Variants in SUPT16H observed in about 807,000 individuals in gnomAD.
SUPT16H encodes SPT16 homolog, facilitates chromatin remodeling subunit.
In SUPT16H, 24 loss-of-function variants were observed where a neutral mutation model predicts 136.2. The ratio of observed to expected loss-of-function variants is 0.18; its 90% CI spans 0.13 to 0.25. The LOEUF (loss-of-function observed/expected upper bound fraction) is 0.25, where lower values mean the gene tolerates loss of function less well. Ranked by LOEUF, SUPT16H falls within the 10% of genes least tolerant of loss-of-function variation. The pLI, the probability that SUPT16H is intolerant of heterozygous loss-of-function variation, is 1.00. For synonymous variants in SUPT16H, 415 were observed against 428.2 expected, an observed-to-expected ratio of 0.97 and a Z score of 0.38; for missense variants, 623 against 1,270.2, an observed-to-expected ratio of 0.49 and a Z score of 7.74.
Position 21,352,831 on chromosome 14 carries a change from G to A in SUPT16H, c.2999-13C>T, listed in dbSNP as rs746172488. 3 of 1,613,974 alleles carry A rather than the reference G, an allele frequency of 1.9e-6. No homozygotes were observed. The Admixed American group carries it at 5.0e-5, about 27-fold the overall frequency. On this transcript the variant is annotated splice_polypyrimidine_tract_variant and intron_variant, in intron 25 of 25. Transcript: ENST00000216297. Reference sequence around the variant, plus strand: ...CTTTCTCGGTCCGCTAAATAGAAGAGGCATTATTAGTTAGCAATAGGTAAG... The same window carrying A: ...CTTTCTCGGTCCGCTAAATAGAAGAAGCATTATTAGTTAGCAATAGGTAAG...
intron 10 of SUPT16H, among the ~76,000 whole-genome samples, chr14:21,364,123 A>AT (rs1305226566): frequency 1.3e-5 from 2 of 152,242 alleles, no homozygotes; most frequent in Non-Finnish European, 2.9e-5. Flanking sequence ...AATGGAGGTA[A>AT]TAAGAGTATC....
chr14:21,354,347 TCTAACTGA>T (rs1594295951), intron 23 of SUPT16H, 56 bp downstream of exon 23: 1 of 1,592,288 alleles, frequency 6.3e-7, no homozygotes, highest in African/African-American at 1.3e-5. Flanking sequence ...CATATTCCAT[TCTAACTGA>T]CCAAATGATA....
rs779640368 is a variant in SUPT16H at position 21,369,367 on chromosome 14, T to C, written c.631-12A>G. The C allele has an allele frequency of 1.2e-6, 2 of 1,613,966 alleles. No individual in the cohort carries two copies. Among genetic ancestry groups the C allele is most frequent in the Admixed American group, 1.7e-5 (1 of 59,996 alleles). The stretch of plus-strand genomic sequence containing the variant: ...CTGTGTCGAACTTTCTGTAAGAGCA[T>C]CCAGAAATAAAGTAACACTTACTAG... On this transcript the variant is annotated splice_polypyrimidine_tract_variant and intron_variant, in intron 5 of 25. Transcript: ENST00000216297.
Position 21,377,076 on chromosome 14 carries a change from GAA to G in SUPT16H, c.67-3648_67-3647del, listed in dbSNP as rs11323425. Among the ~76,000 whole-genome samples, 944 of 110,786 alleles carry G rather than the reference GAA, an allele frequency of 8.5e-3. 6 individuals carry two copies. Among genetic ancestry groups the G allele is most frequent in the Non-Finnish European group, 0.011 (586 of 54,756 alleles). The allele number at this position is 110,786 out of a possible 152,430, so 72.7% of individuals were successfully genotyped here. A position where few individuals can be genotyped will look rare whatever the true frequency, so the allele number is the denominator to read the frequency against. Reference sequence around the variant, plus strand: ...TGAGACTGTCTCAAAGAAAGAAAAAGAAAAAAAAAAAAAAAAAAAAGATCAAC... The same window carrying G: ...TGAGACTGTCTCAAAGAAAGAAAAAGAAAAAAAAAAAAAAAAAAGATCAAC... On this transcript the variant is annotated intron_variant, in intron 1 of 25. Coordinates refer to ENST00000216297, the MANE Select transcript of SUPT16H (RefSeq NM_007192.4).
chr14:21,362,752 A>T lies in SUPT16H; in HGVS notation c.1665+42T>A, dbSNP rs184906121. 16 of 1,552,706 alleles carry T rather than the reference A, an allele frequency of 1.0e-5. No individual in the cohort carries two copies. In the African/African-American group the frequency reaches 1.9e-4, roughly 19 times the overall value. On this transcript the variant is annotated intron_variant, in intron 14 of 25. Transcript: ENST00000216297. ...TATGGCAAATACAATTACTATTTTA[A>T]GCAACAGTTTGGATGAAACCTGATG...
chr14:21,358,491 G>T, intron 19 of SUPT16H, 64 bp from the exon 20 acceptor site: 2 of 1,157,078 alleles, frequency 1.7e-6, no homozygotes, highest in Non-Finnish European at 2.5e-6. Context: ...CCCTCAAAAA[G>T]TCTGAAGTGC....
rs1277473766 is a variant in SUPT16H, at chr14:21,353,501, T to C, written c.2985A>G (p.Glu995=). ...ATTTTTAAAAACCTTTTCGGGCTTC[T>C]TCCTCCAGTTCATCCCAATCCTTTC... ...ESGKDWDELE[E]EARKADRESR... The change falls in exon 25 of 26, where the codon GAA becomes GAG. Residue 995 remains glutamate, a synonymous_variant. Transcript: ENST00000216297. The C allele has an allele frequency of 1.2e-6, 2 of 1,613,934 alleles. No homozygotes were observed. The highest frequency in any genetic ancestry group is 4.5e-5 in the East Asian group (2 of 44,876).
At chr14:21,375,336 T>C (rs1202984423) in intron 1 of SUPT16H, among the ~76,000 whole-genome samples, 1 of 152,132 alleles carries the variant, frequency 6.6e-6, no homozygotes, top group Non-Finnish European at 1.5e-5. Flanking sequence ...TTTGATTTCA[T>C]TTCTCTGATA....
chr14:21,354,157 G>T (rs891408910), intron 23 of SUPT16H, among the ~76,000 whole-genome samples: 1 of 152,172 alleles, frequency 6.6e-6, no homozygotes, highest in Non-Finnish European at 1.5e-5. Context: ...TTTGCAAAAT[G>T]CCCTGAAGGA....
chr14:21,358,230 T>C (rs1886476677), intron 20 of SUPT16H, 85 bp downstream of exon 20: 3 of 905,104 alleles, frequency 3.3e-6, no homozygotes, highest in South Asian at 1.6e-5. Context: ...GGATATGATA[T>C]GTTAAATTAT....
chr14:21,366,657 T>TTTTA (rs1258319728), intron 7 of SUPT16H, 128 bp from the exon 8 acceptor site: 1 of 577,324 alleles, frequency 1.7e-6, no homozygotes, highest in East Asian at 3.3e-5. Context: ...GTCCACTCAC[T>TTTTA]TTTTTTTTTT....
At chr14:21,360,088 C>T (rs538200406) in intron 18 of SUPT16H, among the ~76,000 whole-genome samples, 4 of 152,236 alleles carry the variant, frequency 2.6e-5, no homozygotes, top group East Asian at 1.9e-4. Context: ...AGTACAATGG[C>T]GCGATCTCGG....
chr14:21,383,230 A>C, intron 1 of SUPT16H: 1 of 183,758 alleles, frequency 5.4e-6, no homozygotes. Context: ...CTACCAAGGA[A>C]CTAATAAGGT....
chr14:21,370,320 C>T lies in SUPT16H; in HGVS notation c.483+16G>A. 6.2e-7 allele frequency: 1 copy of T among 1,608,986 alleles called. No individual in the cohort carries two copies. The highest frequency in any genetic ancestry group is 8.5e-7 in the Non-Finnish European group (1 of 1,178,894). Reference sequence around the variant, plus strand: ...CTTCTCAACTCTTGATTTGCTATTTCCAGTAGTATTCTTACTTTGTCAAAG... The same window carrying T: ...CTTCTCAACTCTTGATTTGCTATTTTCAGTAGTATTCTTACTTTGTCAAAG... On this transcript the variant is annotated intron_variant, in intron 4 of 25. Coordinates refer to ENST00000216297, the MANE Select transcript of SUPT16H (RefSeq NM_007192.4).
At chr14:21,363,623 A>T in intron 10 of SUPT16H, 120 bp from the exon 11 acceptor site, 1 of 845,260 alleles carries the variant, frequency 1.2e-6, no homozygotes, top group Non-Finnish European at 1.9e-6. Context: ...GACAATGAAT[A>T]AATATAGTTT....
rs116805145 is a variant in SUPT16H at position 21,358,584 on chromosome 14, G to A, written c.2302-157C>T. Among the ~76,000 whole-genome samples the A allele has an allele frequency of 8.7e-3, 1,332 of 152,290 alleles. 17 individuals are homozygous for A. The highest frequency in any genetic ancestry group is 0.03 in the African/African-American group (1,243 of 41,562). On this transcript the variant is annotated intron_variant, in intron 19 of 25. Coordinates refer to ENST00000216297, the MANE Select transcript of SUPT16H (RefSeq NM_007192.4). ...TTGCAGGTTTGTTACACAGGTAAAC[G>A]TGTGCCATGGTGGTTTGCTGCACAG...
chr14:21,380,609 A>G (rs1042815749), intron 1 of SUPT16H, among the ~76,000 whole-genome samples: 6 of 152,200 alleles, frequency 3.9e-5, no homozygotes, highest in Non-Finnish European at 5.9e-5. Flanking sequence ...CTTTGGGGTC[A>G]GTCTTCCACT....
At chr14:21,367,776 A>T (rs1347014498) in intron 7 of SUPT16H, among the ~76,000 whole-genome samples, 12 of 152,236 alleles carry the variant, frequency 7.9e-5, no homozygotes, top group Admixed American at 5.9e-4. Context: ...AACCACAATG[A>T]TCACTCATGC....
At chr14:21,354,326 T>G in intron 23 of SUPT16H, 85 bp downstream of exon 23, 1 of 1,541,042 alleles carries the variant, frequency 6.5e-7, no homozygotes, top group African/African-American at 1.4e-5. Context: ...CCTAGTCCCT[T>G]ATGTACTACT....
Sources: allele counts gnomAD v4.1 joint callset (sites outside exome capture counted in the v4.1 genomes callset), GRCh38; gene constraint gnomAD v4.1.1; transcripts MANE v1.5; gene names NCBI Gene and HGNC (gene_info 2026-07-23, HGNC 2026-07-21).